WWC1: variants seen among roughly 807,000 people sequenced by gnomAD.
WWC1 encodes the protein protein KIBRA.
WWC1 carries 55 observed loss-of-function variants against 138.4 expected under a neutral mutation model. The observed-to-expected ratio is 0.40, with a 90% CI of 0.32 to 0.50. The LOEUF (loss-of-function observed/expected upper bound fraction) is 0.50. Among genes scored for constraint, WWC1 ranks in the 20% least tolerant of loss-of-function variants. WWC1 has a pLI of 0.72. For missense variants in WWC1, 1,226 were observed against 1,420.4 expected, an observed-to-expected ratio of 0.86 and a Z score of 2.20; for synonymous variants, 524 against 564.9, an observed-to-expected ratio of 0.93 and a Z score of 1.03.
At chr5:168,294,680 C>T (rs1769368417) in intron 1 of WWC1, among the ~76,000 whole-genome samples, 1 of 151,960 alleles carries the variant, frequency 6.6e-6, no homozygotes, top group Non-Finnish European at 1.5e-5. Flanking sequence ...AGGCTGGAGT[C>T]CAGTGGTGCG....
intron 4 of WWC1, 124 bp from the exon 5 acceptor site, chr5:168,399,364 G>A (rs573531899): frequency 1.1e-6 from 1 of 933,244 alleles, no homozygotes; most frequent in South Asian, 1.6e-5. Context: ...GGCGCAAGGG[G>A]TGCTGACCTG....
At chr5:168,391,760 C>CATATATATAT (rs70976481) in intron 3 of WWC1, among the ~76,000 whole-genome samples, 1,241 of 110,442 alleles carry the variant, frequency 0.011, 27 homozygotes, top group African/African-American at 0.017. Context: ...ATTTTTAAGG[C>CATATATATAT]ATATATATAT....
At chr5:168,433,578 C>T (rs975680245) in intron 15 of WWC1, among the ~76,000 whole-genome samples, 1 of 152,176 alleles carries the variant, frequency 6.6e-6, no homozygotes, top group Non-Finnish European at 1.5e-5. Context: ...GTCCTGCTCT[C>T]AGTCTCTGGA....
At chr5:168,387,539 G>T (rs1334849998) in intron 3 of WWC1, among the ~76,000 whole-genome samples, 1 of 152,138 alleles carries the variant, frequency 6.6e-6, no homozygotes, top group Non-Finnish European at 1.5e-5. Flanking sequence ...CCATAGATTG[G>T]GTGGCTTAAA....
At chr5:168,428,603 C>T in intron 12 of WWC1, 104 bp from the exon 13 acceptor site, 1 of 1,152,146 alleles carries the variant, frequency 8.7e-7, no homozygotes, top group East Asian at 2.5e-5. Flanking sequence ...TGAAGGGAAG[C>T]TGAGCAAACC....
chr5:168,362,561 T>TAGTA (rs1314542978), intron 1 of WWC1, among the ~76,000 whole-genome samples: 6 of 152,210 alleles, frequency 3.9e-5, no homozygotes, highest in Non-Finnish European at 5.9e-5. Context: ...TATAGCACTG[T>TAGTA]AGTAGATCAA....
rs1179019109 is a variant in WWC1 at position 168,403,609 on chromosome 5, AG to A, written c.591-2588del. ...GATTGCAAAGAAAAATCAAGACGAA[AG>A]CTTGGGACTTTGACTTGCCAGCTCC... On this transcript the variant is annotated intron_variant, in intron 5 of 22. Coordinates refer to ENST00000265293, the MANE Select transcript of WWC1 (RefSeq NM_015238.3). 2.6e-5 allele frequency among the ~76,000 whole-genome samples: 4 copies of A among 152,176 alleles called. No individual in the cohort carries two copies. The East Asian group carries it at 7.7e-4, about 29-fold the overall frequency.
intron 8 of WWC1, chr5:168,410,251 A>G (rs1236295480): frequency 2.3e-6 from 1 of 426,628 alleles, no homozygotes. Context: ...AAGCCGAGTT[A>G]TCTTCCCACT....
At chr5:168,410,798 A>G (rs1299722668) in intron 8 of WWC1, among the ~76,000 whole-genome samples, 2 of 152,196 alleles carry the variant, frequency 1.3e-5, no homozygotes, top group African/African-American at 2.4e-5. Flanking sequence ...AAGCAACCTT[A>G]TAGCACAGGG....
At chr5:168,411,999 T>C (rs1780265754) in intron 8 of WWC1, 5 of 985,326 alleles carry the variant, frequency 5.1e-6, no homozygotes, top group Non-Finnish European at 6.0e-6. Context: ...CTATGTACTA[T>C]TTCAGCTCCC....
intron 8 of WWC1, among the ~76,000 whole-genome samples, chr5:168,410,998 G>A (rs1185348609): frequency 3.5e-5 from 5 of 144,132 alleles, no homozygotes; most frequent in Admixed American, 2.8e-4. Context: ...GCAGTGGCGC[G>A]ATCTGCAAGC....
chr5:168,352,470 C>A (rs1001383021), intron 1 of WWC1, among the ~76,000 whole-genome samples: 3 of 152,038 alleles, frequency 2.0e-5, no homozygotes, highest in African/African-American at 7.2e-5. Flanking sequence ...AACCCTGAAC[C>A]TATTTGCCTG....
intron 3 of WWC1, 30 bp downstream of exon 3, chr5:168,385,444 C>T (rs1368295590): frequency 6.2e-7 from 1 of 1,605,650 alleles, no homozygotes; most frequent in Non-Finnish European, 8.5e-7. Flanking sequence ...ACCACCCCCA[C>T]CGACACCAAC....
At chr5:168,431,210 A>T (rs1212484910) in intron 14 of WWC1, 42 bp from the exon 15 acceptor site, 1 of 1,560,082 alleles carries the variant, frequency 6.4e-7, no homozygotes, top group South Asian at 1.2e-5. Context: ...AGCCCCAGAC[A>T]TGGGCTGACC....
At chr5:168,351,003 C>T (rs768832978) in intron 1 of WWC1, among the ~76,000 whole-genome samples, 40 of 152,096 alleles carry the variant, frequency 2.6e-4, no homozygotes, top group Non-Finnish European at 3.7e-4. Context: ...AAAAATTAGC[C>T]GGGCGTGGTG....
intron 11 of WWC1, among the ~76,000 whole-genome samples, chr5:168,424,287 G>C (rs1013234982): frequency 2.0e-5 from 3 of 152,202 alleles, no homozygotes; most frequent in Admixed American, 6.5e-5. Context: ...TCCTCCAACA[G>C]ACATTTAGCA....
chr5:168,439,647 A>AG (rs1754574538), intron 15 of WWC1, among the ~76,000 whole-genome samples: 2 of 151,040 alleles, frequency 1.3e-5, no homozygotes, highest in Admixed American at 1.3e-4. Flanking sequence ...AAAAAAAAAA[A>AG]TCTTTCGCTA....
intron 16 of WWC1, among the ~76,000 whole-genome samples, chr5:168,442,761 C>T (rs762269229): frequency 6.7e-5 from 10 of 150,360 alleles, no homozygotes; most frequent in Non-Finnish European, 1.0e-4. Flanking sequence ...TGCTTAAACC[C>T]GGGAGGCAGA....
intron 13 of WWC1, among the ~76,000 whole-genome samples, 184 bp from the exon 14 acceptor site, chr5:168,429,953 C>G (rs1457471650): frequency 6.6e-6 from 1 of 152,064 alleles, no homozygotes; most frequent in Non-Finnish European, 1.5e-5. Flanking sequence ...AAAAAATTTT[C>G]AAACAATTGG....
Sources: allele counts gnomAD v4.1 joint callset (sites outside exome capture counted in the v4.1 genomes callset), GRCh38; gene constraint gnomAD v4.1.1; transcripts MANE v1.5; gene names NCBI Gene and HGNC (gene_info 2026-07-23, HGNC 2026-07-21).